Variants in PARP11 observed in about 807,000 individuals in gnomAD.
PARP11 encodes the protein poly(ADP-ribose) polymerase family member 11.
Under a neutral mutation model 42.9 loss-of-function variants are expected in PARP11, and 31 were observed. That is an observed-to-expected ratio of 0.72 (90% CI 0.54 to 0.98). The LOEUF (loss-of-function observed/expected upper bound fraction) is 0.98, where lower values mean the gene tolerates loss of function less well. Among genes scored for constraint, PARP11 ranks in the 50% least tolerant of loss-of-function variants. The pLI is 0.00. For missense variants in PARP11, 365 were observed against 413.1 expected (o/e 0.88, Z 1.01); for synonymous variants, 137 against 127.3 (o/e 1.08, Z -0.51).
chr12:3,848,185 T>C (rs1948035306), intron 1 of PARP11, among the ~76,000 whole-genome samples: 2 of 152,226 alleles, frequency 1.3e-5, no homozygotes, highest in South Asian at 4.1e-4. Context: ...AGATATTCCA[T>C]GCTCATGAAT....
intron 1 of PARP11, among the ~76,000 whole-genome samples, chr12:3,869,039 C>CT (rs1275141834): frequency 6.6e-6 from 1 of 152,096 alleles, no homozygotes; most frequent in African/African-American, 2.4e-5. Context: ...GGCTTGTGAC[C>CT]TCCTTCCTTC....
In PARP11 at chr12:3,829,022, G is replaced by C. The variant is rs373477334; in HGVS notation, c.156C>G (p.Thr52=). 5.6e-5 allele frequency: 91 copies of C among 1,613,578 alleles called. No homozygotes were observed. Among genetic ancestry groups the C allele is most frequent in the Middle Eastern group, 4.9e-4 (3 of 6,080 alleles). Reference sequence around the variant, plus strand: ...CACTGCTAACTGAACACTGACTGTTGGTATCCGGCTTTAAGACAAACCAGA... The same window carrying C: ...CACTGCTAACTGAACACTGACTGTTCGTATCCGGCTTTAAGACAAACCAGA... The part of the protein sequence containing the change: ...CGKWHMFQPD[T]NSQCSVSSED... The change falls in exon 3 of 8, where the codon ACC becomes ACG. Residue 52 remains threonine, a synonymous_variant. Transcript: ENST00000228820.
chr12:3,841,767 C>A (rs1462695778), intron 1 of PARP11: 2 of 1,612,448 alleles, frequency 1.2e-6, no homozygotes, highest in Middle Eastern at 1.7e-4. Flanking sequence ...GGCATGGGTA[C>A]CCTTTTCAGG....
chr12:3,859,582 G>C (rs1337246449), intron 1 of PARP11, among the ~76,000 whole-genome samples: 1 of 146,220 alleles, frequency 6.8e-6, no homozygotes, highest in South Asian at 2.1e-4. Context: ...AAAAAAGGCA[G>C]ATGTAAATAA....
intron 6 of PARP11, among the ~76,000 whole-genome samples, chr12:3,820,663 C>G (rs995788115): frequency 6.6e-6 from 1 of 152,118 alleles, no homozygotes; most frequent in Non-Finnish European, 1.5e-5. Flanking sequence ...TTTCATCAGA[C>G]TATTTCAGAA....
At chr12:3,820,159 T>A (rs1591761237) in intron 6 of PARP11, among the ~76,000 whole-genome samples, 1 of 152,250 alleles carries the variant, frequency 6.6e-6, no homozygotes, top group African/African-American at 2.4e-5. Context: ...TGTACCATTA[T>A]ATCCCAAGTG....
At chr12:3,870,975 C>A (rs750908667) in intron 1 of PARP11, among the ~76,000 whole-genome samples, 18 of 152,140 alleles carry the variant, frequency 1.2e-4, no homozygotes, top group Non-Finnish European at 2.5e-4. Context: ...TCCTCTAATG[C>A]AGCTTGAAGA....
chr12:3,842,492 A>G (rs1005916200), intron 1 of PARP11: 37 of 1,603,214 alleles, frequency 2.3e-5, no homozygotes, highest in Non-Finnish European at 3.1e-5. Flanking sequence ...GGGATGGGAG[A>G]TGGCCATAGG....
At chr12:3,838,258 T>C (rs7308838) in intron 1 of PARP11, among the ~76,000 whole-genome samples, 28,349 of 151,650 alleles carry the variant, frequency 0.19, 3,372 homozygotes, top group East Asian at 0.5. Flanking sequence ...TCACTTATCT[T>C]TTCTGACCAC....
At chr12:3,862,601 T>C (rs1335999083) in intron 1 of PARP11, among the ~76,000 whole-genome samples, 2 of 149,362 alleles carry the variant, frequency 1.3e-5, no homozygotes, top group Non-Finnish European at 3.0e-5. Context: ...ATATTTTATA[T>C]ACTATATATA....
Position 3,834,648 on chromosome 12 carries a change from A to AAAAAG in PARP11, c.19-4631_19-4630insCTTTT, listed in dbSNP as rs1555138047. ...ACACTCCATCTCAAAAAAAAAAAAA[A>AAAAAG]AAAGAAAGAAAGAAAACAGTGGAAA... On this transcript the variant is annotated intron_variant, in intron 1 of 7. Coordinates refer to ENST00000228820, the MANE Select transcript of PARP11 (RefSeq NM_020367.6). Among the ~76,000 whole-genome samples, 2 of 151,628 alleles carry AAAAAG rather than the reference A, an allele frequency of 1.3e-5. 1 individual carries two copies. Among genetic ancestry groups the AAAAAG allele is most frequent in the Non-Finnish European group, 2.9e-5 (2 of 67,908 alleles).
In PARP11 at chr12:3,826,193, T is replaced by A. The variant is rs1282848269; in HGVS notation, c.309A>T (p.Leu103Phe). The A allele has an allele frequency of 6.2e-7, 1 of 1,600,146 alleles. No homozygotes were observed. The highest frequency in any genetic ancestry group is 1.8e-5 in the Admixed American group (1 of 55,888). Reference sequence around the variant, plus strand: ...TGATAGAAAAGGGGGCTCTTTTTATTAAGCGCTGCTTTCCAGTGGTGAGAT... The same window carrying A: ...TGATAGAAAAGGGGGCTCTTTTTATAAAGCGCTGCTTTCCAGTGGTGAGAT... Reference protein sequence around the residue: ...QMNLTTGKQRLIKRAPFSISA... With the variant: ...QMNLTTGKQRFIKRAPFSISA... Residue 103 changes from leucine (L) to phenylalanine (F), a missense_variant, in exon 4 of 8, where the codon TTA (leucine) becomes TTT (phenylalanine). Transcript: ENST00000228820.
chr12:3,846,367 G>A (rs1164347611), intron 1 of PARP11, among the ~76,000 whole-genome samples: 2 of 151,938 alleles, frequency 1.3e-5, no homozygotes, highest in African/African-American at 4.8e-5. Context: ...AATTATTAGA[G>A]ACTATTATGG....
intron 6 of PARP11, among the ~76,000 whole-genome samples, chr12:3,815,688 T>C (rs946676417): frequency 4.6e-5 from 7 of 152,210 alleles, no homozygotes; most frequent in African/African-American, 1.7e-4. Flanking sequence ...ACTGCATCCA[T>C]AATCAAGTGT....
intron 1 of PARP11, among the ~76,000 whole-genome samples, chr12:3,870,875 T>G (rs1023984035): frequency 1.3e-5 from 2 of 152,216 alleles, no homozygotes; most frequent in African/African-American, 2.4e-5. Context: ...AGGTTGTTGA[T>G]GACAGATAGT....
intron 1 of PARP11, among the ~76,000 whole-genome samples, chr12:3,852,581 G>GA (rs1293664344): frequency 6.6e-6 from 1 of 151,980 alleles, no homozygotes; most frequent in Admixed American, 6.6e-5. Flanking sequence ...GAAGTTTAAA[G>GA]AAAAAAGAGT....
Position 3,840,363 on chromosome 12 carries a change from C to T in PARP11, c.19-10345G>A. On this transcript the variant is annotated intron_variant, in intron 1 of 7. Transcript: ENST00000228820. This position sits in a 1 kb window ranked among gnomAD's most constrained non-coding sequence, Gnocchi z 4.4. ...AACCTTCCACTTCTGGACAAAATTT[C>T]CATTCTGATATGGATTACAGAGGGC... 1 of 1,614,070 alleles carries T rather than the reference C, an allele frequency of 6.2e-7. No individual in the cohort carries two copies. The highest frequency in any genetic ancestry group is 8.5e-7 in the Non-Finnish European group (1 of 1,179,918).
intron 1 of PARP11, among the ~76,000 whole-genome samples, chr12:3,862,604 T>G (rs1398805188): frequency 6.7e-6 from 1 of 149,320 alleles, no homozygotes; most frequent in Non-Finnish European, 1.5e-5. Context: ...TTTTATATAC[T>G]ATATATATAA....
At chr12:3,827,331 A>G (rs1026362589) in intron 3 of PARP11, among the ~76,000 whole-genome samples, 1 of 152,224 alleles carries the variant, frequency 6.6e-6, no homozygotes, top group Admixed American at 6.5e-5. Flanking sequence ...TATTTTTAAT[A>G]AACTCTTTTT....
Sources: allele counts gnomAD v4.1 joint callset (sites outside exome capture counted in the v4.1 genomes callset), GRCh38; gene constraint gnomAD v4.1.1; non-coding constraint Gnocchi (gnomAD v3.1); transcripts MANE v1.5; gene names NCBI Gene and HGNC (gene_info 2026-07-23, HGNC 2026-07-21).